The following EHD2 variants were observed in gnomAD, a reference collection of about 807,000 sequenced individuals.
The protein encoded by EHD2 is EH domain containing 2.
A neutral mutation model predicts 41.0 loss-of-function variants in EHD2; 27 were observed. The observed-to-expected ratio is 0.66, with a 90% CI of 0.49 to 0.91. The LOEUF (loss-of-function observed/expected upper bound fraction) is 0.91. Ranked by LOEUF, EHD2 falls within the 40% of genes least tolerant of loss-of-function variation. EHD2 has a pLI of 0.00. For missense variants in EHD2, 673 were observed against 773.9 expected, an observed-to-expected ratio of 0.87 and a Z score of 1.55; for synonymous variants, 342 against 341.0, an observed-to-expected ratio of 1.00 and a Z score of -0.03.
At position 47,726,200 on chromosome 19, in the gene EHD2, G is replaced by A. The variant is rs1488008958; in HGVS notation, c.891G>A (p.Leu297=). ...CAGCCTTGCGCAAGCTCAACGACCT[G>A]GTGAAGAGGGCCCGGCTGGTGCGAG... The part of the protein sequence containing the change: ...RHAALRKLND[L]VKRARLVRVH... The change falls in exon 4 of 6, where the codon CTG becomes CTA. Residue 297 remains leucine (L), a synonymous_variant. Transcript: ENST00000263277. 1 of 1,538,840 alleles carries A rather than the reference G, an allele frequency of 6.5e-7. No homozygotes were observed. The highest frequency in any genetic ancestry group is 8.8e-7 in the Non-Finnish European group (1 of 1,142,278).
intron 4 of EHD2, among the ~76,000 whole-genome samples, chr19:47,732,538 C>T (rs1425091440): frequency 1.3e-5 from 2 of 152,098 alleles, no homozygotes; most frequent in Non-Finnish European, 2.9e-5. Flanking sequence ...CCCTCCTCAG[C>T]CCCGGCAATT....
Position 47,716,922 on chromosome 19 carries a change from G to T in EHD2, c.310G>T (p.Asp104Tyr), listed in dbSNP as rs749089266. The T allele has an allele frequency of 6.2e-7, 1 of 1,611,046 alleles. No individual in the cohort carries two copies. The highest frequency in any genetic ancestry group is 1.3e-5 in the African/African-American group (1 of 75,056). Residue 104 changes from aspartate to tyrosine, a missense_variant, in exon 2 of 6, where the codon GAC becomes TAC. Transcript: ENST00000263277. ...CTGCTTTGTGGCCGTCATGCACGGG[G>T]ACACTGAGGGCACCGTGCCCGGCAA... ...TDCFVAVMHG[D>Y]TEGTVPGNAL...
intron 3 of EHD2, among the ~76,000 whole-genome samples, chr19:47,720,021 G>A (rs1190850305): frequency 1.3e-5 from 2 of 151,382 alleles, no homozygotes; most frequent in African/African-American, 4.9e-5. Context: ...ACTCCTGGGT[G>A]TGGTGGTTCC....
intron 4 of EHD2, among the ~76,000 whole-genome samples, chr19:47,730,595 G>A (rs1261111172): frequency 6.6e-6 from 1 of 152,010 alleles, no homozygotes; most frequent in Non-Finnish European, 1.5e-5. Context: ...AAAGATACCA[G>A]GCCTTCCTGG....
chr19:47,730,164 C>T (rs958917225), intron 4 of EHD2, among the ~76,000 whole-genome samples: 5 of 151,248 alleles, frequency 3.3e-5, no homozygotes, highest in Non-Finnish European at 7.4e-5. Context: ...CCAGCCCCGG[C>T]CCAGCCCGCC....
intron 3 of EHD2, among the ~76,000 whole-genome samples, chr19:47,720,096 G>C (rs1973679719): frequency 1.3e-5 from 2 of 149,524 alleles, no homozygotes; most frequent in Non-Finnish European, 3.0e-5. Flanking sequence ...GTATGACTTT[G>C]AATTGTGTAC....
At position 47,741,582 on chromosome 19, in the gene EHD2, G is replaced by A. The variant is rs1050475009; in HGVS notation, c.*150G>A. The A allele has an allele frequency of 2.7e-5, 25 of 914,912 alleles. No homozygotes were observed. The highest frequency in any genetic ancestry group is 1.0e-4 in the African/African-American group (6 of 59,710). 56.7% of individuals were successfully genotyped at this position (914,912 alleles called of 1,614,324 possible). On this transcript the variant is annotated 3_prime_UTR_variant, in exon 6 of 6. Transcript: ENST00000263277. This position sits in a 1 kb window ranked among gnomAD's most constrained non-coding sequence, Gnocchi z 4.5. ...CCTCCTCACTACCGCCAGACACCCCGGTGGAAGCATTTAGAGGGGACCACG... is the reference window on the plus strand; with the variant it reads ...CCTCCTCACTACCGCCAGACACCCCAGTGGAAGCATTTAGAGGGGACCACG...
chr19:47,734,016 T>C (rs1359429536), intron 4 of EHD2, among the ~76,000 whole-genome samples: 2 of 152,116 alleles, frequency 1.3e-5, no homozygotes, highest in African/African-American at 2.4e-5. Context: ...TCATGTTCCT[T>C]CCTGAAAAAT....
In EHD2 at chr19:47,741,258, G is replaced by T; in HGVS notation, c.1458G>T (p.Leu486=). ...GGACCAAGCTCCCCAACTCAGTGCT[G>T]GGGCGCATCTGGAAGCTCAGCGATG... ...MVGTKLPNSV[L]GRIWKLSDVD... is the part of the protein sequence containing the mutation. Residue 486 remains leucine, a synonymous_variant, in exon 6 of 6, where the codon CTG becomes CTT. Transcript: ENST00000263277. The surrounding 1 kb of genome is among the most constrained non-coding windows in gnomAD (Gnocchi z 4.5). 6.2e-7 allele frequency: 1 copy of T among 1,614,154 alleles called. No homozygotes were observed. The highest frequency in any genetic ancestry group is 8.5e-7 in the Non-Finnish European group (1 of 1,180,004).
rs1361407867 is a variant in EHD2 at position 47,716,629 on chromosome 19, A to T, written c.17A>T (p.Lys6Met). 6.5e-7 allele frequency: 1 copy of T among 1,541,706 alleles called. No individual in the cohort carries two copies. The highest frequency in any genetic ancestry group is 1.4e-5 in the African/African-American group (1 of 73,354). Reference protein sequence around the residue: MFSWLKRGGARGQQPE... With the variant: MFSWLMRGGARGQQPE... ...GCAGCCACCATGTTCAGCTGGCTGA[A>T]GCGGGGCGGGGCACGGGGCCAGCAG... The change falls in exon 2 of 6, where the codon AAG becomes ATG. Residue 6 changes from lysine (K) to methionine (M), a missense_variant. Physicochemically the swap from Lys to Met is moderately conservative, Grantham distance 95. Transcript: ENST00000263277.
At chr19:47,739,301 T>TTTTTAA (rs1966960023) in intron 5 of EHD2, among the ~76,000 whole-genome samples, 1 of 98,798 alleles carries the variant, frequency 1.0e-5, no homozygotes, top group African/African-American at 3.5e-5. Context: ...TTTTTTTTTT[T>TTTTTAA]AAGAAATAGG....
chr19:47,736,640 TG>T, intron 5 of EHD2, 107 bp downstream of exon 5: 1 of 1,288,770 alleles, frequency 7.8e-7, no homozygotes, highest in South Asian at 1.7e-5. Flanking sequence ...TGGCAGGTTC[TG>T]GAAAGCGCCT....
chr19:47,732,621 A>G (rs778649195), intron 4 of EHD2, among the ~76,000 whole-genome samples: 4 of 151,206 alleles, frequency 2.6e-5, no homozygotes, highest in African/African-American at 9.7e-5. Context: ...AAGTCTTGCT[A>G]TGTTGCCCAG....
intron 3 of EHD2, among the ~76,000 whole-genome samples, chr19:47,722,880 T>G (rs1479099744): frequency 6.6e-6 from 1 of 152,134 alleles, no homozygotes; most frequent in African/African-American, 2.4e-5. Context: ...TCCCCTAACT[T>G]CTCTGTGCCT....
In EHD2 at chr19:47,736,550, G is replaced by T; in HGVS notation, c.1080+17G>T. ...AAAATGCAGGTGGGAAGCTGCCCAG[G>T]AGGGAATGTTGGGGGTGGGTGATGG... is the stretch of plus-strand genomic sequence containing the variant. On this transcript the variant is annotated intron_variant, in intron 5 of 5. Transcript: ENST00000263277. 6.4e-7 allele frequency: 1 copy of T among 1,573,270 alleles called. No homozygotes were observed. Among genetic ancestry groups the T allele is most frequent in the Non-Finnish European group, 8.6e-7 (1 of 1,157,678 alleles).
chr19:47,722,296 A>G (rs1278859495), intron 3 of EHD2, among the ~76,000 whole-genome samples: 1 of 151,240 alleles, frequency 6.6e-6, no homozygotes, highest in Non-Finnish European at 1.5e-5. Context: ...CATGAGACAC[A>G]CTTTCCGAAT....
chr19:47,713,438 GA>G lies in EHD2; in HGVS notation c.-155del, dbSNP rs1345070651. On this transcript the variant is annotated 5_prime_UTR_variant, in exon 1 of 6. Coordinates refer to ENST00000263277, the MANE Select transcript of EHD2 (RefSeq NM_014601.4). ...ACCCGGCTCAGACGGCTCCGGACGG[GA>G]CCGCGAGCACAGGCCGCTCCGCGGG... 2 of 152,320 alleles carry G rather than the reference GA, an allele frequency of 1.3e-5. No homozygotes were observed. The highest frequency in any genetic ancestry group is 2.9e-5 in the Non-Finnish European group (2 of 68,132). 9.4% of individuals were successfully genotyped at this position (152,320 alleles called of 1,614,324 possible). A position where few individuals can be genotyped will look rare whatever the true frequency, so the allele number is the denominator to read the frequency against.
Position 47,716,986 on chromosome 19 carries a change from T to C in EHD2, c.374T>C (p.Leu125Pro), listed in dbSNP as rs1973636006. Residue 125 changes from leucine to proline, a missense_variant, in exon 2 of 6, where the codon CTC (leucine) becomes CCC (proline). Transcript: ENST00000263277. Reference sequence around the variant, plus strand: ...GACCCGGACAAGCCCTTCCGCAAACTCAACCCTTTCGGAAACACCTTCCTC... The same window carrying C: ...GACCCGGACAAGCCCTTCCGCAAACCCAACCCTTTCGGAAACACCTTCCTC... ...VVDPDKPFRK[L>P]NPFGNTFLNR... 1 of 1,601,936 alleles carries C rather than the reference T, an allele frequency of 6.2e-7. No individual in the cohort carries two copies. Among genetic ancestry groups the C allele is most frequent in the African/African-American group, 1.3e-5 (1 of 74,912 alleles).
intron 4 of EHD2, among the ~76,000 whole-genome samples, chr19:47,733,769 A>AAAAAAAAAAAAG (rs1966893892): frequency 6.7e-6 from 1 of 149,610 alleles, no homozygotes; most frequent in Non-Finnish European, 1.5e-5. Flanking sequence ...AAAAAAAAAA[A>AAAAAAAAAAAAG]AAAAAATCCA....
Sources: allele counts gnomAD v4.1 joint callset (sites outside exome capture counted in the v4.1 genomes callset), GRCh38; gene constraint gnomAD v4.1.1; non-coding constraint Gnocchi (gnomAD v3.1); transcripts MANE v1.5; gene names NCBI Gene and HGNC (gene_info 2026-07-23, HGNC 2026-07-21).